The following UNC5C variants were observed in gnomAD, a reference collection of about 807,000 sequenced individuals.
UNC5C encodes netrin receptor UNC5C.
In UNC5C, 47 loss-of-function variants were observed where a neutral mutation model predicts 99.8. The ratio of observed to expected loss-of-function variants is 0.47; its 90% CI spans 0.37 to 0.60. UNC5C has a LOEUF of 0.60. Among genes scored for constraint, UNC5C ranks in the 20% least tolerant of loss-of-function variants. UNC5C has a pLI of 0.00. For missense variants in UNC5C, 1,062 were observed against 1,165.9 expected, an observed-to-expected ratio of 0.91 and a Z score of 1.30; for synonymous variants, 487 against 452.2, an observed-to-expected ratio of 1.08 and a Z score of -0.98.
At chr4:95,304,562 T>TTC (rs1282765214) in intron 2 of UNC5C, among the ~76,000 whole-genome samples, 59 of 151,942 alleles carry the variant, frequency 3.9e-4, no homozygotes, top group African/African-American at 1.3e-3. Flanking sequence ...CCCCATATCT[T>TTC]TCTCTCTCTC....
chr4:95,545,023 T>G (rs56719998), intron 1 of UNC5C, among the ~76,000 whole-genome samples: 8,403 of 152,312 alleles, frequency 0.055, 295 homozygotes, highest in Non-Finnish European at 0.076. Context: ...CAGTTATGTT[T>G]AAGTCTCAAC....
At chr4:95,548,554 A>ATT (rs1560502397) in intron 1 of UNC5C, among the ~76,000 whole-genome samples, 180 bp downstream of exon 1, 12 of 150,564 alleles carry the variant, frequency 8.0e-5, no homozygotes, top group African/African-American at 3.0e-4. Context: ...TAATAATAAT[A>ATT]ATAATTATTA....
At chr4:95,185,467 C>T (rs147458556) in intron 12 of UNC5C, among the ~76,000 whole-genome samples, 37 of 152,128 alleles carry the variant, frequency 2.4e-4, no homozygotes, top group African/African-American at 3.4e-4. Context: ...TGCCCTTTAC[C>T]GACTGATGAG....
chr4:95,518,001 G>T (rs1311184614), intron 1 of UNC5C, among the ~76,000 whole-genome samples: 1 of 152,086 alleles, frequency 6.6e-6, no homozygotes, highest in Non-Finnish European at 1.5e-5. Flanking sequence ...GTTAGAGACT[G>T]CATTAACTCT....
intron 1 of UNC5C, among the ~76,000 whole-genome samples, chr4:95,511,802 AATC>A (rs1722084003): frequency 6.6e-6 from 1 of 152,150 alleles, no homozygotes; most frequent in South Asian, 2.1e-4. Context: ...TGGAAAAAAA[AATC>A]AATACAAATT....
intron 7 of UNC5C, among the ~76,000 whole-genome samples, chr4:95,239,665 C>A (rs1373967676): frequency 4.6e-5 from 7 of 151,908 alleles, no homozygotes; most frequent in Admixed American, 4.6e-4. Flanking sequence ...CGTATTTTCT[C>A]TCTCTCTCTT....
chr4:95,275,578 T>C (rs1477613009), intron 4 of UNC5C, among the ~76,000 whole-genome samples: 1 of 152,162 alleles, frequency 6.6e-6, no homozygotes, highest in African/African-American at 2.4e-5. Flanking sequence ...CATTCTATGG[T>C]GGAGACTATA....
At chr4:95,397,898 A>C (rs1035135871) in intron 1 of UNC5C, among the ~76,000 whole-genome samples, 14 of 152,172 alleles carry the variant, frequency 9.2e-5, no homozygotes, top group Non-Finnish European at 7.4e-5. Flanking sequence ...ACTCATCTAT[A>C]TTTTAGAGCA....
At chr4:95,211,109 C>A (rs1167519290) in intron 10 of UNC5C, among the ~76,000 whole-genome samples, 2 of 152,180 alleles carry the variant, frequency 1.3e-5, no homozygotes, top group Non-Finnish European at 2.9e-5. Flanking sequence ...CTAGAGCAGG[C>A]TCAAGGAAAG....
intron 1 of UNC5C, among the ~76,000 whole-genome samples, chr4:95,356,329 C>G (rs1432250824): frequency 6.6e-6 from 1 of 150,914 alleles, no homozygotes; most frequent in Non-Finnish European, 1.5e-5. Flanking sequence ...AACTTATAAT[C>G]AAAATTTCAG....
intron 1 of UNC5C, among the ~76,000 whole-genome samples, chr4:95,498,715 T>C (rs1721693195): frequency 1.3e-5 from 2 of 151,992 alleles, no homozygotes; most frequent in Admixed American, 1.3e-4. Context: ...CAGTGTTTTT[T>C]TTTTTTCCTT....
At chr4:95,193,946 C>G (rs536458912) in intron 12 of UNC5C, among the ~76,000 whole-genome samples, 30 of 151,758 alleles carry the variant, frequency 2.0e-4, no homozygotes, top group South Asian at 1.4e-3. Flanking sequence ...CCAGGGTGCT[C>G]TGCTCTCCCC....
At chr4:95,288,952 G>A (rs550373830) in intron 3 of UNC5C, among the ~76,000 whole-genome samples, 98 of 152,266 alleles carry the variant, frequency 6.4e-4, no homozygotes, top group Non-Finnish European at 1.1e-3. Context: ...GATGCCTTTG[G>A]GGGTCATTAT....
At chr4:95,330,523 T>C (rs1165667555) in intron 2 of UNC5C, among the ~76,000 whole-genome samples, 1 of 152,134 alleles carries the variant, frequency 6.6e-6, no homozygotes, top group Non-Finnish European at 1.5e-5. Context: ...CATCTTTTAC[T>C]GCATTTTAAT....
At chr4:95,513,363 A>G (rs997524464) in intron 1 of UNC5C, among the ~76,000 whole-genome samples, 1 of 152,222 alleles carries the variant, frequency 6.6e-6, no homozygotes, top group Non-Finnish European at 1.5e-5. Flanking sequence ...TCCTAATGTG[A>G]TAAGAAGGTA....
rs149292367 is a variant in UNC5C, at chr4:95,414,183, A to G, written c.125-78552T>C. Reference sequence around the variant, plus strand: ...GGAATCCCCTTAAATTTCCTGTTGCAGTTTCTGCCCTTTCCTTCCCCTTTT... The same window carrying G: ...GGAATCCCCTTAAATTTCCTGTTGCGGTTTCTGCCCTTTCCTTCCCCTTTT... On this transcript the variant is annotated intron_variant, in intron 1 of 15. Coordinates refer to ENST00000453304, the MANE Select transcript of UNC5C (RefSeq NM_003728.4). 4.1e-3 allele frequency among the ~76,000 whole-genome samples: 618 copies of G among 152,300 alleles called. 7 individuals carry two copies. The highest frequency in any genetic ancestry group is 0.014 in the African/African-American group (600 of 41,570).
chr4:95,452,113 T>A (rs1003790999), intron 1 of UNC5C, among the ~76,000 whole-genome samples: 4 of 152,232 alleles, frequency 2.6e-5, no homozygotes, highest in African/African-American at 7.2e-5. Flanking sequence ...TTTGCTTCAA[T>A]GCTGATACAT....
intron 4 of UNC5C, among the ~76,000 whole-genome samples, chr4:95,261,262 C>A (rs987236118): frequency 6.6e-6 from 1 of 152,152 alleles, no homozygotes; most frequent in African/African-American, 2.4e-5. Context: ...AGAAAAGAAG[C>A]ATTGGACACA....
chr4:95,418,818 A>C (rs755950782), intron 1 of UNC5C, among the ~76,000 whole-genome samples: 1 of 152,206 alleles, frequency 6.6e-6, no homozygotes, highest in Non-Finnish European at 1.5e-5. Context: ...TCTTCATCAC[A>C]ATCAGGGGCC....
Sources: gnomAD v4.1 joint callset for allele counts (sites outside exome capture counted in the v4.1 genomes callset) on GRCh38, gnomAD v4.1.1 for gene constraint, MANE v1.5 for transcripts, NCBI Gene and HGNC (gene_info 2026-07-23, HGNC 2026-07-21) for gene names.